The following LMCD1 variants were observed in gnomAD, a reference collection of about 807,000 sequenced individuals.
LMCD1 encodes LIM and cysteine rich domains 1, also known as LIM and cysteine-rich domains protein 1.
Under a neutral mutation model 42.7 loss-of-function variants are expected in LMCD1, and 32 were observed. The observed-to-expected ratio is 0.75, with a 90% CI of 0.57 to 1.01. LMCD1 has a LOEUF of 1.01. Among genes scored for constraint, LMCD1 ranks in the 50% least tolerant of loss-of-function variants. The pLI is 0.00. For synonymous variants in LMCD1, 178 were observed against 184.9 expected, an observed-to-expected ratio of 0.96 and a Z score of 0.30; for missense variants, 458 against 483.1, an observed-to-expected ratio of 0.95 and a Z score of 0.49.
Position 8,548,680 on chromosome 3 carries a change from A to G in LMCD1, c.500A>G (p.Asp167Gly). 1.2e-6 allele frequency: 2 copies of G among 1,614,178 alleles called. No individual in the cohort carries two copies. Among genetic ancestry groups the G allele is most frequent in the South Asian group, 1.1e-5 (1 of 91,074 alleles). ...LMHQLPIYDQ[D>G]PSRCRGLLEN... is the part of the protein sequence containing the mutation. ...CACCAGCTCCCCATCTATGACCAGG[A>G]TCCCTCGCGCTGCCGTGGACTTTTG... The change falls in exon 4 of 6, where the codon GAT becomes GGT. Residue 167 changes from aspartate to glycine, a missense_variant. Transcript: ENST00000157600.
intron 1 of LMCD1, among the ~76,000 whole-genome samples, chr3:8,526,304 G>A (rs1450862149): frequency 6.6e-6 from 1 of 152,202 alleles, no homozygotes; most frequent in African/African-American, 2.4e-5. Flanking sequence ...GCATGGAACT[G>A]TAGTGCATTG....
intron 2 of LMCD1, among the ~76,000 whole-genome samples, chr3:8,533,803 T>C (rs1694459325): frequency 6.6e-6 from 1 of 152,086 alleles, no homozygotes; most frequent in Non-Finnish European, 1.5e-5. Context: ...CAGATCTGCA[T>C]GAATCCCAAT....
intron 4 of LMCD1, among the ~76,000 whole-genome samples, chr3:8,557,822 G>A (rs1352422904): frequency 6.6e-6 from 1 of 152,196 alleles, no homozygotes; most frequent in Non-Finnish European, 1.5e-5. Flanking sequence ...GGTTCAGTGA[G>A]GACAGCTTGT....
intron 1 of LMCD1, among the ~76,000 whole-genome samples, chr3:8,528,120 G>C (rs528238249): frequency 2.6e-5 from 4 of 152,144 alleles, no homozygotes; most frequent in Non-Finnish European, 5.9e-5. Flanking sequence ...AATCCTATGG[G>C]GATGAGGAGA....
intron 3 of LMCD1, among the ~76,000 whole-genome samples, chr3:8,547,547 G>A (rs1484724018): frequency 2.0e-5 from 3 of 152,126 alleles, no homozygotes; most frequent in East Asian, 1.9e-4. Context: ...CTGGGGTTTC[G>A]TTCTGAGAAA....
intron 2 of LMCD1, 141 bp from the exon 3 acceptor site, chr3:8,537,044 C>T: frequency 1.1e-6 from 1 of 903,448 alleles, no homozygotes; most frequent in Non-Finnish European, 1.7e-6. Flanking sequence ...GCCTTTTTGT[C>T]TCAGGTTACC....
At chr3:8,559,852 T>C (rs1169730871) in intron 4 of LMCD1, among the ~76,000 whole-genome samples, 1 of 152,168 alleles carries the variant, frequency 6.6e-6, no homozygotes, top group African/African-American at 2.4e-5. Context: ...GGACATCTTG[T>C]TTTCATGGAG....
At chr3:8,503,028 C>T (rs1213427768) in intron 1 of LMCD1, among the ~76,000 whole-genome samples, 1 of 152,132 alleles carries the variant, frequency 6.6e-6, no homozygotes, top group Non-Finnish European at 1.5e-5. Flanking sequence ...GCCTCAGTTT[C>T]CTTGTCTCTG....
chr3:8,504,364 A>G (rs1693832048), intron 1 of LMCD1, among the ~76,000 whole-genome samples: 1 of 152,374 alleles, frequency 6.6e-6, no homozygotes, highest in African/African-American at 2.4e-5. Context: ...TTCAGGATGC[A>G]TAATCGCACT....
chr3:8,525,190 C>T (rs1694277531), intron 1 of LMCD1, among the ~76,000 whole-genome samples: 1 of 152,166 alleles, frequency 6.6e-6, no homozygotes, highest in African/African-American at 2.4e-5. Flanking sequence ...CCAACATCCT[C>T]CCATTTCTCT....
chr3:8,509,151 C>A (rs1235910766), intron 1 of LMCD1, among the ~76,000 whole-genome samples: 1 of 152,152 alleles, frequency 6.6e-6, no homozygotes, highest in Admixed American at 6.5e-5. Flanking sequence ...TAAACATTTC[C>A]TCCTGCTGTT....
Position 8,573,175 on chromosome 3 carries a change from C to T in LMCD1, c.*5577C>T, listed in dbSNP as rs1207765608. The T allele has an allele frequency of 2.6e-5, 4 of 152,146 alleles. No individual in the cohort carries two copies. The highest frequency in any genetic ancestry group is 2.1e-4 in the South Asian group (1 of 4,828). The allele number at this position is 152,146 out of a possible 1,614,324, so 9.4% of individuals were successfully genotyped here. ...TCAATTATAACCAAAAACAATGTGA[C>T]GGATACCCAAGATGTTTCATGTTGT... On this transcript the variant is annotated 3_prime_UTR_variant, in exon 6 of 6. Coordinates refer to ENST00000157600, the MANE Select transcript of LMCD1 (RefSeq NM_014583.4).
At chr3:8,502,371 AT>A (rs1693769090) in intron 1 of LMCD1, among the ~76,000 whole-genome samples, 25 of 33,314 alleles carry the variant, frequency 7.5e-4, no homozygotes, top group South Asian at 1.1e-3. Flanking sequence ...ATTATATAAA[AT>A]ATATATAATA....
chr3:8,527,141 A>G (rs1359810125), intron 1 of LMCD1, among the ~76,000 whole-genome samples: 2 of 152,238 alleles, frequency 1.3e-5, no homozygotes, highest in African/African-American at 4.8e-5. Flanking sequence ...AGAAGTTTAG[A>G]TGAAATATCA....
chr3:8,557,004 C>T (rs906665), intron 4 of LMCD1, among the ~76,000 whole-genome samples: 7,171 of 152,204 alleles, frequency 0.047, 541 homozygotes, highest in African/African-American at 0.16. Context: ...GGGCCTGCCA[C>T]GATGTGCTAC....
chr3:8,528,061 G>C (rs186624934), intron 1 of LMCD1, among the ~76,000 whole-genome samples: 3 of 152,154 alleles, frequency 2.0e-5, no homozygotes, highest in Non-Finnish European at 4.4e-5. Context: ...GCAAGTTAAC[G>C]TGTTACTTCA....
intron 3 of LMCD1, among the ~76,000 whole-genome samples, chr3:8,548,010 A>G (rs1228226644): frequency 1.3e-5 from 2 of 152,238 alleles, no homozygotes; most frequent in Non-Finnish European, 2.9e-5. Context: ...TGTACTGAAT[A>G]CTATAGGCAA....
Position 8,514,953 on chromosome 3 carries a change from AG to A in LMCD1, c.42+12974del, listed in dbSNP as rs200928123. The A allele has an allele frequency of 8.4e-4, 383 of 456,742 alleles. 4 individuals carry two copies. In the East Asian group the frequency reaches 0.021, roughly 26 times the overall value. The allele number at this position is 456,742 out of a possible 1,614,324, so 28.3% of individuals were successfully genotyped here. A position where few individuals can be genotyped will look rare whatever the true frequency, so the allele number is the denominator to read the frequency against. Reference sequence around the variant, plus strand: ...GTGATCACATGGGATATACATATAAAGTAATCGAGCGAATACTGGAGATTGG... The same window carrying A: ...GTGATCACATGGGATATACATATAAATAATCGAGCGAATACTGGAGATTGG... On this transcript the variant is annotated intron_variant, in intron 1 of 5. Transcript: ENST00000157600.
Position 8,501,846 on chromosome 3 carries a change from G to A in LMCD1, c.-93G>A. ...GCGCACAGAGCTCCCTCCCAGGCCCGCGAACTTGGCCATTCAGCCGCCGCT... is the reference window on the plus strand; with the variant it reads ...GCGCACAGAGCTCCCTCCCAGGCCCACGAACTTGGCCATTCAGCCGCCGCT... On this transcript the variant is annotated 5_prime_UTR_variant, in exon 1 of 6. Coordinates refer to ENST00000157600, the MANE Select transcript of LMCD1 (RefSeq NM_014583.4). The A allele has an allele frequency of 8.6e-7, 1 of 1,163,816 alleles. No homozygotes were observed. The highest frequency in any genetic ancestry group is 1.2e-6 in the Non-Finnish European group (1 of 812,780). 72.1% of individuals were successfully genotyped at this position (1,163,816 alleles called of 1,614,324 possible). A position where few individuals can be genotyped will look rare whatever the true frequency, so the allele number is the denominator to read the frequency against.
Sources: allele counts gnomAD v4.1 joint callset (sites outside exome capture counted in the v4.1 genomes callset), GRCh38; gene constraint gnomAD v4.1.1; transcripts MANE v1.5; gene names NCBI Gene and HGNC (gene_info 2026-07-23, HGNC 2026-07-21).